The following L3MBTL3 variants were observed in gnomAD, a reference collection of about 807,000 sequenced individuals.
L3MBTL3 encodes the protein L3MBTL histone methyl-lysine binding protein 3.
Under a neutral mutation model 102.3 loss-of-function variants are expected in L3MBTL3, and 27 were observed. The ratio of observed to expected loss-of-function variants is 0.26; its 90% CI spans 0.19 to 0.36. The LOEUF (loss-of-function observed/expected upper bound fraction) is 0.36. Among genes scored for constraint, L3MBTL3 ranks in the 10% least tolerant of loss-of-function variants. L3MBTL3 has a pLI of 1.00. For missense variants in L3MBTL3, 798 were observed against 955.3 expected, an observed-to-expected ratio of 0.84 and a Z score of 2.17; for synonymous variants, 340 against 320.9, an observed-to-expected ratio of 1.06 and a Z score of -0.64.
chr6:130,104,701 A>C (rs759001420), intron 19 of L3MBTL3, 126 bp downstream of exon 19: 24 of 602,966 alleles, frequency 4.0e-5, no homozygotes, highest in Non-Finnish European at 6.1e-5. Context: ...CACCTGACTT[A>C]ATGTGAAATG....
intron 5 of L3MBTL3, among the ~76,000 whole-genome samples, chr6:130,050,895 C>T (rs1475201631): frequency 6.6e-6 from 1 of 152,076 alleles, no homozygotes; most frequent in Non-Finnish European, 1.5e-5. Flanking sequence ...AAAGAAGATC[C>T]TCTGAAATTT....
At chr6:130,030,650 C>T (rs1244250043) in intron 2 of L3MBTL3, among the ~76,000 whole-genome samples, 1 of 113,100 alleles carries the variant, frequency 8.8e-6, no homozygotes, top group African/African-American at 3.6e-5. Flanking sequence ...CTGGGTGACA[C>T]AGCAAGACTC....
At chr6:130,019,187 G>A (rs1584254677) in intron 1 of L3MBTL3, among the ~76,000 whole-genome samples, 1 of 150,918 alleles carries the variant, frequency 6.6e-6, no homozygotes, top group Middle Eastern at 3.5e-3. Context: ...GGTCGCTTTC[G>A]TGACACCGGG....
chr6:130,091,370 A>G (rs1479027952), intron 16 of L3MBTL3, among the ~76,000 whole-genome samples: 1 of 152,182 alleles, frequency 6.6e-6, no homozygotes, highest in Non-Finnish European at 1.5e-5. Context: ...TCCTGTGATC[A>G]GTTGATATAA....
chr6:130,065,540 C>G (rs1485702802), intron 10 of L3MBTL3, among the ~76,000 whole-genome samples: 2 of 152,174 alleles, frequency 1.3e-5, no homozygotes, highest in Non-Finnish European at 2.9e-5. Context: ...ATTAATTGCC[C>G]TGGCTCTGCA....
At chr6:130,049,516 A>G in intron 4 of L3MBTL3, 123 bp downstream of exon 4, 1 of 737,564 alleles carries the variant, frequency 1.4e-6, no homozygotes, top group Non-Finnish European at 2.2e-6. Context: ...TCATGTTGTT[A>G]GGTAAATTTC....
At chr6:130,135,076 T>C (rs1287297153) in intron 22 of L3MBTL3, among the ~76,000 whole-genome samples, 1 of 150,444 alleles carries the variant, frequency 6.6e-6, no homozygotes. Flanking sequence ...TTTCCTTTTT[T>C]TTTTTTTTTT....
At chr6:130,074,103 T>G (rs1220748463) in intron 13 of L3MBTL3, among the ~76,000 whole-genome samples, 2 of 152,208 alleles carry the variant, frequency 1.3e-5, no homozygotes, top group African/African-American at 4.8e-5. Flanking sequence ...AGGTTACAGA[T>G]TGGGTTGCCT....
At chr6:130,070,218 A>G (rs914379840) in intron 12 of L3MBTL3, among the ~76,000 whole-genome samples, 30 of 152,218 alleles carry the variant, frequency 2.0e-4, no homozygotes, top group African/African-American at 7.2e-4. Context: ...AGAGATAGAT[A>G]GATTAAGATA....
intron 17 of L3MBTL3, 31 bp from the exon 18 acceptor site, chr6:130,094,234 C>A: frequency 1.3e-6 from 2 of 1,538,684 alleles, no homozygotes; most frequent in Non-Finnish European, 9.0e-7. Flanking sequence ...TAATATTTTG[C>A]CCCTTCTTTC....
chr6:130,099,482 T>C (rs1041737430), intron 18 of L3MBTL3, among the ~76,000 whole-genome samples: 2 of 152,154 alleles, frequency 1.3e-5, no homozygotes, highest in African/African-American at 4.8e-5. Context: ...TATGCAGTTT[T>C]AGAAGTTAAC....
chr6:130,027,663 G>A (rs763500344), intron 2 of L3MBTL3, among the ~76,000 whole-genome samples: 6 of 151,980 alleles, frequency 3.9e-5, no homozygotes, highest in Admixed American at 2.6e-4. Context: ...GAGAAATCAA[G>A]TGTAAATCTT....
At chr6:130,114,484 C>G (rs962655787) in intron 19 of L3MBTL3, among the ~76,000 whole-genome samples, 1 of 152,200 alleles carries the variant, frequency 6.6e-6, no homozygotes, top group East Asian at 1.9e-4. Flanking sequence ...CCAAACCTCA[C>G]CTTATTCGTT....
chr6:130,094,346 C>A lies in L3MBTL3; in HGVS notation c.1715C>A (p.Ala572Glu). 1.2e-6 allele frequency: 2 copies of A among 1,613,370 alleles called. No homozygotes were observed. Among genetic ancestry groups the A allele is most frequent in the Non-Finnish European group, 1.7e-6 (2 of 1,179,508 alleles). The change falls in exon 18 of 23, where the codon GCG becomes GAG. Residue 572 changes from alanine (A) to glutamate (E), a missense_variant. Transcript: ENST00000361794. ...AAAGGGATTGGCCATTTCAAGAGAGCGAGACATCTGGGCCCTCACAGGTAT... is the reference window on the plus strand; with the variant it reads ...AAAGGGATTGGCCATTTCAAGAGAGAGAGACATCTGGGCCCTCACAGGTAT... The part of the protein sequence containing the change: ...GCKGIGHFKR[A>E]RHLGPHSAAN...
At chr6:130,106,038 T>C (rs1354068006) in intron 19 of L3MBTL3, among the ~76,000 whole-genome samples, 1 of 152,236 alleles carries the variant, frequency 6.6e-6, no homozygotes, top group Non-Finnish European at 1.5e-5. Context: ...GGTCAGCATT[T>C]GTGATCAAGG....
intron 2 of L3MBTL3, among the ~76,000 whole-genome samples, chr6:130,034,081 T>G (rs1213078473): frequency 6.6e-6 from 1 of 152,192 alleles, no homozygotes; most frequent in Non-Finnish European, 1.5e-5. Flanking sequence ...CCAGGCAGCC[T>G]CTTTATTTTG....
intron 10 of L3MBTL3, 45 bp downstream of exon 10, chr6:130,060,185 A>T: frequency 8.2e-7 from 1 of 1,213,476 alleles, no homozygotes; most frequent in South Asian, 1.4e-5. Flanking sequence ...AATGGTGATT[A>T]TGGGGATTTA....
At chr6:130,134,377 A>G (rs1427592748) in intron 22 of L3MBTL3, among the ~76,000 whole-genome samples, 1 of 152,234 alleles carries the variant, frequency 6.6e-6, no homozygotes, top group South Asian at 2.1e-4. Context: ...TAAGTCATAT[A>G]CATTCCTCAA....
chr6:130,061,718 C>T (rs1368991030), intron 10 of L3MBTL3, among the ~76,000 whole-genome samples: 4 of 152,002 alleles, frequency 2.6e-5, no homozygotes, highest in African/African-American at 9.7e-5. Context: ...TTGTGTTTGT[C>T]CTTTGAAGTG....
Sources: allele counts gnomAD v4.1 joint callset (sites outside exome capture counted in the v4.1 genomes callset), GRCh38; gene constraint gnomAD v4.1.1; transcripts MANE v1.5; gene names NCBI Gene and HGNC (gene_info 2026-07-23, HGNC 2026-07-21).